The following KCNMA1 variants were observed in gnomAD, a reference collection of about 807,000 sequenced individuals.
The protein encoded by KCNMA1 is potassium calcium-activated channel subfamily M alpha 1.
Under a neutral mutation model 140.0 loss-of-function variants are expected in KCNMA1, and 29 were observed. That is an observed-to-expected ratio of 0.21 (90% confidence interval 0.15 to 0.28). KCNMA1 has a LOEUF of 0.28. Ranked by LOEUF, KCNMA1 falls within the 10% of genes least tolerant of loss-of-function variation. The probability of loss-of-function intolerance (pLI) is 1.00; values close to 1 mark genes in which losing one functional copy is unlikely to be tolerated. For synonymous variants in KCNMA1, 612 were observed against 611.9 expected (o/e 1.00, Z 0.00); for missense variants, 880 against 1,602.2 (o/e 0.55, Z 7.70).
At chr10:77,196,984 GGA>G in intron 3 of KCNMA1, among the ~76,000 whole-genome samples, 1 of 151,858 alleles carries the variant, frequency 6.6e-6, no homozygotes, top group Middle Eastern at 3.2e-3. Flanking sequence ...AAAAAAATAA[GGA>G]AAAGAAAGCA....
chr10:77,243,466 A>T (rs2057796745), intron 3 of KCNMA1, among the ~76,000 whole-genome samples: 1 of 152,300 alleles, frequency 6.6e-6, no homozygotes, highest in East Asian at 1.9e-4. Flanking sequence ...AAGGGAATGC[A>T]TTTCTTCATT....
chr10:77,026,682 A>G (rs2093485470), intron 16 of KCNMA1, among the ~76,000 whole-genome samples: 2 of 152,350 alleles, frequency 1.3e-5, no homozygotes, highest in South Asian at 2.1e-4. Context: ...GGTTTTCAAA[A>G]TAGCTTAACA....
intron 1 of KCNMA1, among the ~76,000 whole-genome samples, chr10:77,597,004 C>T (rs997594973): frequency 6.6e-6 from 1 of 152,148 alleles, no homozygotes; most frequent in Admixed American, 6.5e-5. Flanking sequence ...TGGCGACAAC[C>T]TTTCTGGAGC....
chr10:77,278,047 T>C (rs889985205), intron 2 of KCNMA1, among the ~76,000 whole-genome samples: 1 of 152,248 alleles, frequency 6.6e-6, no homozygotes, highest in Non-Finnish European at 1.5e-5. Context: ...TGTCCTCTGA[T>C]GATATGTATA....
intron 5 of KCNMA1, among the ~76,000 whole-genome samples, chr10:77,173,394 G>C (rs773017002): frequency 6.6e-5 from 10 of 152,122 alleles, no homozygotes; most frequent in Admixed American, 5.2e-4. Flanking sequence ...TTAACCTTCT[G>C]AAGCCTCAGT....
In KCNMA1 at chr10:77,454,558, C is replaced by A. The variant is rs181885372; in HGVS notation, c.379-50535G>T. 2.0e-3 allele frequency among the ~76,000 whole-genome samples: 299 copies of A among 152,266 alleles called. 1 individual carries two copies. The highest frequency in any genetic ancestry group is 6.5e-3 in the African/African-American group (268 of 41,548). On this transcript the variant is annotated intron_variant, in intron 1 of 27. Transcript: ENST00000286628. ...CCAGTTTTGTGTTTTAGCCACCTGACCCCCTTTCACTCTACCCTAAGTTAG... is the reference window on the plus strand; with the variant it reads ...CCAGTTTTGTGTTTTAGCCACCTGAACCCCTTTCACTCTACCCTAAGTTAG...
At chr10:77,221,082 C>T (rs901374895) in intron 3 of KCNMA1, among the ~76,000 whole-genome samples, 10 of 152,190 alleles carry the variant, frequency 6.6e-5, no homozygotes, top group South Asian at 2.1e-4. Flanking sequence ...GTGAATGGTG[C>T]GTTAGCCAAG....
At chr10:77,517,614 G>A (rs932205528) in intron 1 of KCNMA1, among the ~76,000 whole-genome samples, 3 of 152,166 alleles carry the variant, frequency 2.0e-5, no homozygotes, top group African/African-American at 7.2e-5. Flanking sequence ...CAGCAGCAGT[G>A]AGACAAGGAC....
intron 5 of KCNMA1, among the ~76,000 whole-genome samples, chr10:77,170,403 G>A (rs983122625): frequency 2.0e-5 from 3 of 152,018 alleles, no homozygotes; most frequent in Non-Finnish European, 2.9e-5. Context: ...CTCGAGGAGC[G>A]GGCTGAGATA....
chr10:77,103,725 A>C (rs1000831452), intron 9 of KCNMA1, among the ~76,000 whole-genome samples: 3 of 152,206 alleles, frequency 2.0e-5, no homozygotes, highest in African/African-American at 7.2e-5. Context: ...GGGAATTAGA[A>C]TTCTAGTCTA....
intron 17 of KCNMA1, among the ~76,000 whole-genome samples, chr10:77,017,193 T>C (rs1373131759): frequency 6.6e-6 from 1 of 152,186 alleles, no homozygotes; most frequent in Non-Finnish European, 1.5e-5. Flanking sequence ...AGAGATGCAA[T>C]AGGAAATAGA....
chr10:77,577,508 T>G (rs889709222), intron 1 of KCNMA1, among the ~76,000 whole-genome samples: 1 of 152,194 alleles, frequency 6.6e-6, no homozygotes, highest in Non-Finnish European at 1.5e-5. Flanking sequence ...TCAGGCCATT[T>G]CATATGGTAA....
intron 5 of KCNMA1, among the ~76,000 whole-genome samples, chr10:77,183,097 C>T (rs2098815789): frequency 6.6e-6 from 1 of 152,170 alleles, no homozygotes; most frequent in African/African-American, 2.4e-5. Flanking sequence ...CCCCCATGGG[C>T]TTCTTAATCC....
chr10:77,272,145 G>T (rs983463342), intron 2 of KCNMA1, among the ~76,000 whole-genome samples: 3 of 152,054 alleles, frequency 2.0e-5, no homozygotes, highest in African/African-American at 7.2e-5. Flanking sequence ...TCACATTGTT[G>T]ACTTACTTCT....
At chr10:77,568,317 T>C (rs572180541) in intron 1 of KCNMA1, among the ~76,000 whole-genome samples, 12 of 152,290 alleles carry the variant, frequency 7.9e-5, no homozygotes, top group Admixed American at 5.2e-4. Flanking sequence ...TTGATGAACA[T>C]TGATGCAAAA....
chr10:76,877,654 G>T, downstream of KCNMA1: 1 of 1,315,520 alleles, frequency 7.6e-7, no homozygotes, highest in Non-Finnish European at 1.1e-6. Context: ...GTTTCCACCA[G>T]TGATTCAGCA....
chr10:76,995,334 G>T, intron 19 of KCNMA1: 1 of 246,726 alleles, frequency 4.1e-6, no homozygotes. Context: ...AATAAGTTAT[G>T]TCTCCCCAGA....
At chr10:76,895,582 C>T (rs532624408) in intron 25 of KCNMA1, among the ~76,000 whole-genome samples, 1 of 152,064 alleles carries the variant, frequency 6.6e-6, no homozygotes, top group Non-Finnish European at 1.5e-5. Context: ...GTATTATATC[C>T]GTGCAATGAG....
At position 77,230,967 on chromosome 10, in the gene KCNMA1, C is replaced by A. The variant is rs113629748; in HGVS notation, c.602+20228G>T. 1.5e-3 allele frequency among the ~76,000 whole-genome samples: 226 copies of A among 152,230 alleles called. 3 individuals are homozygous for A. The highest frequency in any genetic ancestry group is 2.6e-3 in the Non-Finnish European group (175 of 68,020). On this transcript the variant is annotated intron_variant, in intron 3 of 27. Coordinates refer to ENST00000286628, the MANE Select transcript of KCNMA1 (RefSeq NM_001161352.2). ...CAACATCTGATTACTTCTTTAATTT[C>A]CAGAGCTTGCTCATTACCGAAGCCA... is the stretch of plus-strand genomic sequence containing the variant.
Sources: gnomAD v4.1 joint callset for allele counts (sites outside exome capture counted in the v4.1 genomes callset) on GRCh38, gnomAD v4.1.1 for gene constraint, MANE v1.5 for transcripts, NCBI Gene and HGNC (gene_info 2026-07-23, HGNC 2026-07-21) for gene names.